The following CERS4 variants were observed in gnomAD, a reference collection of about 807,000 sequenced individuals.
CERS4 encodes ceramide synthase 4, also known as LAG1 homolog, ceramide synthase 4.
CERS4 carries 65 observed loss-of-function variants against 51.8 expected under a neutral mutation model. That is an observed-to-expected ratio of 1.26 (90% CI 1.03 to 1.54). The LOEUF is 1.54. Ranked by LOEUF, CERS4 falls within the 40% of genes most tolerant of loss-of-function variation. The pLI is 0.00. For synonymous variants in CERS4, 228 were observed against 208.4 expected, an observed-to-expected ratio of 1.09 and a Z score of -0.81; for missense variants, 563 against 500.4, an observed-to-expected ratio of 1.13 and a Z score of -1.19.
In CERS4 at chr19:8,262,327, T is replaced by C; in HGVS notation, c.*218T>C. On this transcript the variant is annotated 3_prime_UTR_variant, in exon 12 of 12. Transcript: ENST00000251363. ...ACAGATCTGGGAGCCAGCAGCTGGA[T>C]GCTGTGGCTGGCCAGAGACACCTCC... 1 of 430,346 alleles carries C rather than the reference T, an allele frequency of 2.3e-6. No homozygotes were observed. Among genetic ancestry groups the C allele is most frequent in the Non-Finnish European group, 3.9e-6 (1 of 253,340 alleles). 26.7% of individuals were successfully genotyped at this position (430,346 alleles called of 1,614,324 possible).
At chr19:8,241,779 A>G (rs1485131049) in intron 2 of CERS4, among the ~76,000 whole-genome samples, 2 of 152,102 alleles carry the variant, frequency 1.3e-5, no homozygotes, top group Non-Finnish European at 1.5e-5. Context: ...ATCAGCATGG[A>G]GTGTTTATAA....
At chr19:8,225,724 G>A (rs952180396) in intron 2 of CERS4, among the ~76,000 whole-genome samples, 4 of 151,314 alleles carry the variant, frequency 2.6e-5, no homozygotes, top group Admixed American at 6.6e-5. Flanking sequence ...GTACCCGGCC[G>A]TGTTTTCTGA....
At chr19:8,236,784 T>C (rs1025344972) in intron 2 of CERS4, among the ~76,000 whole-genome samples, 3 of 150,914 alleles carry the variant, frequency 2.0e-5, no homozygotes, top group Non-Finnish European at 4.4e-5. Context: ...GATGGATCAC[T>C]TGAGGCCAGG....
chr19:8,253,320 C>CA (rs1193723048), intron 3 of CERS4, among the ~76,000 whole-genome samples: 2 of 152,202 alleles, frequency 1.3e-5, no homozygotes, highest in African/African-American at 4.8e-5. Context: ...GGGGTCAGAC[C>CA]AGGACCCAGG....
At chr19:8,223,411 A>G (rs544490474) in intron 2 of CERS4, among the ~76,000 whole-genome samples, 2 of 151,862 alleles carry the variant, frequency 1.3e-5, no homozygotes, top group South Asian at 4.2e-4. Context: ...TGAGCTCAGG[A>G]GTCCAAGACC....
chr19:8,250,373 T>C (rs1372924933), intron 2 of CERS4, among the ~76,000 whole-genome samples: 1 of 152,204 alleles, frequency 6.6e-6, no homozygotes, highest in Non-Finnish European at 1.5e-5. Flanking sequence ...TTTTGGGCTG[T>C]GTTATTATTA....
chr19:8,235,427 T>TC (rs1217633180), intron 2 of CERS4, among the ~76,000 whole-genome samples: 2 of 151,394 alleles, frequency 1.3e-5, no homozygotes, highest in African/African-American at 2.4e-5. Flanking sequence ...TGCTTTTTTT[T>TC]CCCCATTTGC....
chr19:8,250,759 ACT>A, intron 2 of CERS4: 5 of 1,048,314 alleles, frequency 4.8e-6, no homozygotes, highest in Non-Finnish European at 5.8e-6. Flanking sequence ...CCGGCCTACT[ACT>A]CTGTTTTACA....
At chr19:8,233,282 C>CAG (rs1458192627) in intron 2 of CERS4, among the ~76,000 whole-genome samples, 1 of 151,994 alleles carries the variant, frequency 6.6e-6, no homozygotes, top group Non-Finnish European at 1.5e-5. Context: ...TCTCCTGCCT[C>CAG]AGCCTCCCGA....
chr19:8,256,020 G>A, intron 6 of CERS4, 141 bp downstream of exon 6: 1 of 1,012,326 alleles, frequency 9.9e-7, no homozygotes, highest in Admixed American at 2.2e-5. Flanking sequence ...AGATGGTGGT[G>A]AATGTTCACT....
intron 2 of CERS4, among the ~76,000 whole-genome samples, chr19:8,236,118 C>G (rs1444437141): frequency 6.6e-6 from 1 of 152,058 alleles, no homozygotes; most frequent in African/African-American, 2.4e-5. Context: ...ATGGGGTAAA[C>G]CGGGAGGCGG....
intron 2 of CERS4, among the ~76,000 whole-genome samples, chr19:8,249,935 C>G (rs1968991239): frequency 6.6e-6 from 1 of 151,966 alleles, no homozygotes; most frequent in African/African-American, 2.4e-5. Context: ...GCTTCAGAGG[C>G]AGCTTCCTGC....
Position 8,254,514 on chromosome 19 carries a change from C to T in CERS4, c.189C>T (p.Pro63=). Residue 63 remains proline, a synonymous_variant, in exon 4 of 12, where the codon CCC becomes CCT. Transcript: ENST00000251363. ...RLAFERFIGL[P]LSRWLGVRDQ... ...TTGCACCCAGATTCATTGGCCTGCCCCTGAGCCGGTGGCTGGGTGTGAGGG... is the reference window on the plus strand; with the variant it reads ...TTGCACCCAGATTCATTGGCCTGCCTCTGAGCCGGTGGCTGGGTGTGAGGG... The T allele has an allele frequency of 6.2e-7, 1 of 1,613,730 alleles. No individual in the cohort carries two copies. The highest frequency in any genetic ancestry group is 8.5e-7 in the Non-Finnish European group (1 of 1,179,944).
At chr19:8,211,333 C>G (rs982677108) in intron 2 of CERS4, among the ~76,000 whole-genome samples, 1 of 152,158 alleles carries the variant, frequency 6.6e-6, no homozygotes, top group Non-Finnish European at 1.5e-5. Context: ...CTGTCCCCTT[C>G]TCTGAGCACC....
chr19:8,246,850 G>A (rs78096315), intron 2 of CERS4, among the ~76,000 whole-genome samples: 4 of 152,018 alleles, frequency 2.6e-5, no homozygotes, highest in Non-Finnish European at 5.9e-5. Context: ...CTTTTGTGTA[G>A]GTTTGAAATG....
rs775483880 is a variant in CERS4 at position 8,257,028 on chromosome 19, T to C, written c.692T>C (p.Ile231Thr). 2.5e-6 allele frequency: 4 copies of C among 1,613,454 alleles called. No individual in the cohort carries two copies. Among genetic ancestry groups the C allele is most frequent in the South Asian group, 1.1e-5 (1 of 91,034 alleles). ...TFSYSANLLRIGSLVLLLHDS... is the reference protein window; with the variant it reads ...TFSYSANLLRTGSLVLLLHDS... ...TCCTACAGTGCCAACCTGCTGCGCATTGGCTCTCTGGTGCTGCTGTTACAC... is the reference window on the plus strand; with the variant it reads ...TCCTACAGTGCCAACCTGCTGCGCACTGGCTCTCTGGTGCTGCTGTTACAC... Residue 231 changes from isoleucine (I) to threonine (T), a missense_variant, in exon 9 of 12, where the codon ATT (isoleucine) becomes ACT (threonine). By Grantham distance (89) the Ile-to-Thr change is moderately conservative. Transcript: ENST00000251363.
chr19:8,227,165 G>C (rs936783101), intron 2 of CERS4, among the ~76,000 whole-genome samples: 1 of 151,926 alleles, frequency 6.6e-6, no homozygotes, highest in African/African-American at 2.4e-5. Context: ...GTGAGGTGGG[G>C]GTAGAGGGCT....
chr19:8,257,616 G>A (rs913463742), intron 9 of CERS4, among the ~76,000 whole-genome samples: 1 of 152,062 alleles, frequency 6.6e-6, no homozygotes, highest in African/African-American at 2.4e-5. Flanking sequence ...TTGTAGTAGA[G>A]ATGGAGTTTC....
intron 2 of CERS4, among the ~76,000 whole-genome samples, chr19:8,240,063 T>G (rs1968459000): frequency 6.6e-6 from 1 of 152,026 alleles, no homozygotes; most frequent in South Asian, 2.1e-4. Context: ...TGAGAAGTCT[T>G]CTTGGAGGAG....
Sources: gnomAD v4.1 joint callset for allele counts (sites outside exome capture counted in the v4.1 genomes callset) on GRCh38, gnomAD v4.1.1 for gene constraint, MANE v1.5 for transcripts, NCBI Gene and HGNC (gene_info 2026-07-23, HGNC 2026-07-21) for gene names.